PAN3: variants seen among roughly 807,000 people sequenced by gnomAD.
PAN3 encodes the protein poly(A) specific ribonuclease subunit PAN3.
Under a neutral mutation model 96.2 loss-of-function variants are expected in PAN3, and 19 were observed. That is an observed-to-expected ratio of 0.20 (90% confidence interval 0.14 to 0.29). The LOEUF (loss-of-function observed/expected upper bound fraction) is 0.29. PAN3 is among the 10% of genes least tolerant of loss of function. The pLI is 1.00. For synonymous variants in PAN3, 433 were observed against 406.6 expected (o/e 1.06, Z -0.78); for missense variants, 882 against 1,108.1 (o/e 0.80, Z 2.90).
intron 3 of PAN3, among the ~76,000 whole-genome samples, chr13:28,177,333 A>G (rs746093048): frequency 5.3e-5 from 8 of 152,204 alleles, no homozygotes; most frequent in Non-Finnish European, 1.2e-4. Flanking sequence ...TCTTAACTTA[A>G]TATTTTACTT....
At chr13:28,281,593 T>C (rs930628974) in intron 17 of PAN3, among the ~76,000 whole-genome samples, 1 of 152,170 alleles carries the variant, frequency 6.6e-6, no homozygotes, top group Admixed American at 6.5e-5. Flanking sequence ...ACAGAAAATA[T>C]GGTGTGTTAG....
chr13:28,261,133 G>T (rs374329798), intron 8 of PAN3, among the ~76,000 whole-genome samples: 5 of 152,244 alleles, frequency 3.3e-5, no homozygotes, highest in African/African-American at 9.6e-5. Flanking sequence ...CAGCCACAGC[G>T]TTAGTCACGT....
intron 1 of PAN3, among the ~76,000 whole-genome samples, chr13:28,144,370 A>G (rs1011326957): frequency 6.6e-6 from 1 of 151,180 alleles, no homozygotes; most frequent in Admixed American, 6.6e-5. Context: ...GCCCGCCACC[A>G]CGCCCAGATA....
rs752925880 is a variant in PAN3, at chr13:28,260,452, T to C, written c.1254T>C (p.Phe418=). ...TTPAPLTGMV[F]PNYHIYPPTA... ...CCCCCTTCCTACCTTTTTAGGTGTTTCCAAACTATCATATTTATCCTCCAA... is the reference window on the plus strand; with the variant it reads ...CCCCCTTCCTACCTTTTTAGGTGTTCCCAAACTATCATATTTATCCTCCAA... The change falls in exon 8 of 19, where the codon TTT becomes TTC. Residue 418 remains phenylalanine, a synonymous_variant. Coordinates refer to ENST00000380958, the MANE Select transcript of PAN3 (RefSeq NM_175854.8). The C allele has an allele frequency of 3.5e-5, 56 of 1,609,990 alleles. No individual in the cohort carries two copies. Among genetic ancestry groups the C allele is most frequent in the Admixed American group, 6.7e-5 (4 of 59,956 alleles).
At chr13:28,287,935 A>G (rs1411652876) in intron 17 of PAN3, 49 bp from the exon 18 acceptor site, 3 of 1,532,314 alleles carry the variant, frequency 2.0e-6, no homozygotes, top group African/African-American at 1.4e-5. Context: ...ACATATGGCC[A>G]CAGACCATAC....
At chr13:28,190,509 C>G (rs1332354311) in intron 4 of PAN3, among the ~76,000 whole-genome samples, 3 of 152,140 alleles carry the variant, frequency 2.0e-5, no homozygotes, top group East Asian at 3.9e-4. Context: ...GTCCTCCTGC[C>G]TTGGCCTTCC....
intron 1 of PAN3, among the ~76,000 whole-genome samples, chr13:28,173,514 CAG>C (rs1020991093): frequency 6.6e-6 from 1 of 152,130 alleles, no homozygotes; most frequent in Non-Finnish European, 1.5e-5. Context: ...AAAATTACCT[CAG>C]ATTGTTTTCC....
intron 1 of PAN3, among the ~76,000 whole-genome samples, chr13:28,172,381 A>G (rs1170600885): frequency 6.6e-6 from 1 of 152,044 alleles, no homozygotes; most frequent in Admixed American, 6.5e-5. Flanking sequence ...GTGTGAACCC[A>G]GGGGGCGAAG....
chr13:28,162,241 T>C (rs1445793655), intron 1 of PAN3, among the ~76,000 whole-genome samples: 1 of 152,182 alleles, frequency 6.6e-6, no homozygotes, highest in African/African-American at 2.4e-5. Context: ...GGTCAGTATT[T>C]GTTAAAAGTC....
At chr13:28,256,225 A>G (rs1885122854) in intron 6 of PAN3, 67 bp from the exon 7 acceptor site, 3 of 1,472,964 alleles carry the variant, frequency 2.0e-6, no homozygotes, top group African/African-American at 1.4e-5. Context: ...TTTGCATTTT[A>G]TTTTCCAGAC....
Position 28,197,238 on chromosome 13 carries a change from A to G in PAN3, c.744A>G (p.Ser248=). The part of the protein sequence containing the change: ...MLEERLVPMG[S]KARKAKNPIG... ...AGGAGAGGCTAGTTCCGATGGGATC[A>G]AAGGCACGAAAAGCAAAGAACCCTA... Residue 248 remains serine, a synonymous_variant, in exon 5 of 19, where the codon TCA becomes TCG. Coordinates refer to ENST00000380958, the MANE Select transcript of PAN3 (RefSeq NM_175854.8). The G allele has an allele frequency of 6.2e-7, 1 of 1,613,572 alleles. No homozygotes were observed. Among genetic ancestry groups the G allele is most frequent in the Non-Finnish European group, 8.5e-7 (1 of 1,179,768 alleles).
chr13:28,186,282 T>G (rs1876457407), intron 4 of PAN3, among the ~76,000 whole-genome samples: 1 of 152,232 alleles, frequency 6.6e-6, no homozygotes, highest in Admixed American at 6.5e-5. Flanking sequence ...GAATGTGGAA[T>G]TGATTTCTTT....
At chr13:28,257,786 AAT>A (rs1406669308) in intron 7 of PAN3, among the ~76,000 whole-genome samples, 1 of 139,646 alleles carries the variant, frequency 7.2e-6, no homozygotes, top group Non-Finnish European at 1.5e-5. Flanking sequence ...AATTATATAT[AAT>A]ATATAATTAA....
At chr13:28,263,412 A>C (rs1053603664) in intron 9 of PAN3, among the ~76,000 whole-genome samples, 1 of 152,232 alleles carries the variant, frequency 6.6e-6, no homozygotes, top group South Asian at 2.1e-4. Flanking sequence ...AGCTCACTGC[A>C]ACCTCCGCCT....
Position 28,138,946 on chromosome 13 carries a change from G to C in PAN3, c.289G>C (p.Gly97Arg). ...GGCTCTGGCTGGTGCACCCGTGGCC[G>C]GCTTTCCGCCGGGAGCCGTCGCGGG... ...PLALAGAPVA[G>R]FPPGAVAGGG... Residue 97 changes from glycine (G) to arginine (R), a missense_variant, in exon 1 of 19, where the codon GGC becomes CGC. By Grantham distance (125) the Gly-to-Arg change is moderately radical (BLOSUM62 -2). Around this residue, in one of 3 missense-constraint regions of PAN3, gnomAD observed 442 missense variants for 422.8 expected, o/e 1.05. Coordinates refer to ENST00000380958, the MANE Select transcript of PAN3 (RefSeq NM_175854.8). The C allele has an allele frequency of 7.5e-7, 1 of 1,326,242 alleles. No homozygotes were observed. The highest frequency in any genetic ancestry group is 3.5e-5 in the Admixed American group (1 of 28,478). 82.2% of individuals were successfully genotyped at this position (1,326,242 alleles called of 1,614,324 possible).
At chr13:28,153,963 T>C (rs184925923) in intron 1 of PAN3, among the ~76,000 whole-genome samples, 1 of 152,338 alleles carries the variant, frequency 6.6e-6, no homozygotes, top group African/African-American at 2.4e-5. Context: ...TGGAAAACTT[T>C]TTAGGCCATT....
At chr13:28,200,608 T>C (rs1001567282) in intron 5 of PAN3, among the ~76,000 whole-genome samples, 1 of 152,242 alleles carries the variant, frequency 6.6e-6, no homozygotes, top group African/African-American at 2.4e-5. Flanking sequence ...AAATACTTTA[T>C]GATACGAAGG....
At chr13:28,255,202 T>C (rs1221120469) in intron 6 of PAN3, among the ~76,000 whole-genome samples, 1 of 152,150 alleles carries the variant, frequency 6.6e-6, no homozygotes, top group East Asian at 1.9e-4. Context: ...TTTTAGGCAT[T>C]CACCAAATAG....
chr13:28,173,354 G>A (rs760093600), intron 1 of PAN3, among the ~76,000 whole-genome samples: 1 of 151,984 alleles, frequency 6.6e-6, no homozygotes, highest in Non-Finnish European at 1.5e-5. Flanking sequence ...AAATATTTAG[G>A]TGTTTCTGAT....
Sources: gnomAD v4.1 joint callset for allele counts (sites outside exome capture counted in the v4.1 genomes callset) on GRCh38, gnomAD v4.1.1 for gene constraint, gnomAD v4.1.1 regional missense constraint, MANE v1.5 for transcripts, NCBI Gene and HGNC (gene_info 2026-07-23, HGNC 2026-07-21) for gene names.